PRX: variants seen among roughly 807,000 people sequenced by gnomAD.
PRX encodes the protein periaxin.
Under a neutral mutation model 29.6 loss-of-function variants are expected in PRX, and 24 were observed. The observed-to-expected ratio is 0.81, with a 90% CI of 0.59 to 1.14. PRX has a LOEUF of 1.14. PRX is among the 50% of genes most tolerant of loss of function. The pLI, the probability that PRX is intolerant of heterozygous loss-of-function variation, is 0.00. For synonymous variants in PRX, 772 were observed against 831.7 expected (o/e 0.93, Z 1.24); for missense variants, 1,838 against 1,926.4 (o/e 0.95, Z 0.86).
chr19:40,397,698 C>T lies in PRX; in HGVS notation c.654G>A (p.Lys218=), dbSNP rs866326734. ...CTCCTGCAGCCACCTCAGCCTCCAC[C>T]TTGGCTTTCCTGGGGGGAGGAGCGG... The part of the protein sequence containing the change: ...AAAAPPPRKA[K]VEAEVAAGAR... The change falls in exon 7 of 7, where the codon AAG becomes AAA. Residue 218 remains lysine, a synonymous_variant. Transcript: ENST00000324001. 1 of 1,562,036 alleles carries T rather than the reference C, an allele frequency of 6.4e-7. No homozygotes were observed. Among genetic ancestry groups the T allele is most frequent in the South Asian group, 1.2e-5 (1 of 85,756 alleles).
rs767851512 is a variant in PRX at position 40,394,654 on chromosome 19, G to T, written c.3698C>A (p.Ala1233Glu). 1.2e-6 allele frequency: 2 copies of T among 1,607,958 alleles called. No homozygotes were observed. The highest frequency in any genetic ancestry group is 1.3e-5 in the African/African-American group (1 of 74,952). The stretch of plus-strand genomic sequence containing the variant: ...ACCCTCGCCTGTGGCCGCCTCGCCC[G>T]CCTGTGCCTCTCGGCTTAGCCCCAC... ...LDVGLSREAQ[A>E]GEAATGEGGL... The change falls in exon 7 of 7, where the codon GCG (alanine) becomes GAG (glutamate). Residue 1233 changes from alanine (A) to glutamate (E), a missense_variant. Around this residue, in one of 3 missense-constraint regions of PRX, gnomAD observed 1,143 missense variants for 1,193.0 expected, o/e 0.96. Coordinates refer to ENST00000324001, the MANE Select transcript of PRX (RefSeq NM_181882.3). The surrounding 1 kb of genome is among the most constrained non-coding windows in gnomAD (Gnocchi z 5.8).
Position 40,408,158 on chromosome 19 carries a change from C to A in PRX, c.-100G>T, listed in dbSNP as rs1008916688. ...GCCCCCACCCCAGCTGTCCTCTCAC[C>A]GCTGCCTGGGTGCAGGCACTTCCTC... On this transcript the variant is annotated splice_region_variant and 5_prime_UTR_variant, in exon 3 of 7. Transcript: ENST00000324001. The A allele has an allele frequency of 1.6e-6, 1 of 618,990 alleles. No homozygotes were observed. The highest frequency in any genetic ancestry group is 2.9e-6 in the Non-Finnish European group (1 of 347,682). 38.3% of individuals were successfully genotyped at this position (618,990 alleles called of 1,614,324 possible). A position where few individuals can be genotyped will look rare whatever the true frequency, so the allele number is the denominator to read the frequency against.
At chr19:40,399,149 AC>A (rs1193994311) in intron 5 of PRX, among the ~76,000 whole-genome samples, 1 of 151,262 alleles carries the variant, frequency 6.6e-6, no homozygotes, top group Non-Finnish European at 1.5e-5. Context: ...CTGTGTGTTC[AC>A]CCCCTTTCTC....
chr19:40,397,649 C>T lies in PRX; in HGVS notation c.703G>A (p.Glu235Lys), dbSNP rs2079454238. 7 of 1,548,550 alleles carry T rather than the reference C, an allele frequency of 4.5e-6. No individual in the cohort carries two copies. Among genetic ancestry groups the T allele is most frequent in the Non-Finnish European group, 6.1e-6 (7 of 1,152,856 alleles). The change falls in exon 7 of 7, where the codon GAG becomes AAG. Residue 235 changes from glutamate (E) to lysine (K), a missense_variant. Glu to Lys is a moderately conservative substitution (Grantham distance 56). Transcript: ENST00000324001. ...AGARFTAPQV[E>K]LVGPRLPGAE... is the part of the protein sequence containing the mutation. ...CCTGGCAGCCGCGGCCCAACCAGCT[C>T]CACCTGAGGGGCTGTGAAACGAGCT...
chr19:40,408,674 C>G (rs2079543848), intron 1 of PRX, among the ~76,000 whole-genome samples: 1 of 152,196 alleles, frequency 6.6e-6, no homozygotes, highest in African/African-American at 2.4e-5. Context: ...CTCTATTGCC[C>G]AGGCTGGAGT....
In PRX at chr19:40,394,343, C is replaced by G. The variant is rs527265816; in HGVS notation, c.4009G>C (p.Gly1337Arg). The change falls in exon 7 of 7, where the codon GGC becomes CGC. Residue 1337 changes from glycine (G) to arginine (R), a missense_variant. Around this residue, in one of 3 missense-constraint regions of PRX, gnomAD observed 1,143 missense variants for 1,193.0 expected, o/e 0.96. Coordinates refer to ENST00000324001, the MANE Select transcript of PRX (RefSeq NM_181882.3). The surrounding 1 kb of genome is among the most constrained non-coding windows in gnomAD (Gnocchi z 5.8). ...KSPKLRLPRV[G>R]FSQSEMVTGE... ...GTGACCATCTCACTTTGGCTGAAGCCCACTCGGGGCAGCCTGAGTTTGGGG... is the reference window on the plus strand; with the variant it reads ...GTGACCATCTCACTTTGGCTGAAGCGCACTCGGGGCAGCCTGAGTTTGGGG... 4 of 1,606,666 alleles carry G rather than the reference C, an allele frequency of 2.5e-6. No homozygotes were observed. In the Admixed American group the frequency reaches 6.8e-5, roughly 27 times the overall value.
chr19:40,409,462 A>G (rs1028408098), intron 1 of PRX, among the ~76,000 whole-genome samples: 1 of 147,190 alleles, frequency 6.8e-6, no homozygotes, highest in Non-Finnish European at 1.5e-5. Flanking sequence ...TATTATTATT[A>G]TTATTATTAT....
chr19:40,408,846 T>TGTGTGA (rs1555802644), intron 1 of PRX, among the ~76,000 whole-genome samples: 46 of 148,238 alleles, frequency 3.1e-4, no homozygotes, highest in South Asian at 1.9e-3. Flanking sequence ...TGTGTGTGTG[T>TGTGTGA]GAGAGAGAGA....
chr19:40,396,649 C>T lies in PRX; in HGVS notation c.1703G>A (p.Arg568Gln), dbSNP rs374396283. 1.4e-5 allele frequency: 23 copies of T among 1,613,650 alleles called. No homozygotes were observed. The Admixed American group carries it at 2.8e-4, about 20-fold the overall frequency. The change falls in exon 7 of 7, where the codon CGG (arginine) becomes CAG (glutamine). Residue 568 changes from arginine (R) to glutamine (Q), a missense_variant. By Grantham distance (43) the Arg-to-Gln change is conservative. This residue lies in a region of PRX where 1,143 missense variants were observed against 1,193.0 expected (regional missense o/e 0.96). Transcript: ENST00000324001. ...TTTCGGCAGCTGCACCTCTGGAAGC[C>T]GCACCTCTGGCACAGCCACCTCTGA... ...EVSEVAVPEV[R>Q]LPEVQLPKVP...
At chr19:40,405,817 T>C (rs908229692) in intron 4 of PRX, among the ~76,000 whole-genome samples, 1 of 151,558 alleles carries the variant, frequency 6.6e-6, no homozygotes, top group African/African-American at 2.4e-5. Flanking sequence ...TTTTGTATTC[T>C]TAGTAGAGAT....
At chr19:40,410,996 A>T (rs1018046497) in intron 1 of PRX, among the ~76,000 whole-genome samples, 1 of 152,200 alleles carries the variant, frequency 6.6e-6, no homozygotes, top group South Asian at 2.1e-4. Flanking sequence ...CTTGTCTGCC[A>T]TGTCTGGGGC....
At position 40,395,043 on chromosome 19, in the gene PRX, C is replaced by T. The variant is rs557336965; in HGVS notation, c.3309G>A (p.Thr1103=). The change falls in exon 7 of 7, where the codon ACG becomes ACA. Residue 1103 remains threonine (T), a synonymous_variant. Coordinates refer to ENST00000324001, the MANE Select transcript of PRX (RefSeq NM_181882.3). ...CCCTCCCTTCCTCCTGGGCGCCCAG[C>T]GTGACCAGCTCCACCTCGGGGATCT... ...QLKIPEVELV[T]LGAQEEGRAE... 9.3e-6 allele frequency: 15 copies of T among 1,611,752 alleles called. No individual in the cohort carries two copies. Among genetic ancestry groups the T allele is most frequent in the South Asian group, 6.6e-5 (6 of 91,076 alleles).
intron 5 of PRX, among the ~76,000 whole-genome samples, chr19:40,399,943 T>A (rs2079481964): frequency 7.0e-6 from 1 of 143,056 alleles, no homozygotes; most frequent in Non-Finnish European, 1.6e-5. Context: ...TTTCTTTCCT[T>A]TCTTTCTCTT....
chr19:40,394,578 GC>G lies in PRX; in HGVS notation c.3773del (p.Gly1258AlafsTer124). 5 of 1,608,468 alleles carry G rather than the reference GC, an allele frequency of 3.1e-6. No individual in the cohort carries two copies. The highest frequency in any genetic ancestry group is 1.7e-4 in the Middle Eastern group (1 of 6,048). ...PTLGARARVG[G>X]EGAEEQPPGA... ...CTGGGGGCTGCTCCTCAGCACCCTC[GC>G]CCCCCACCCTAGCTCTGGCCCCCAG... On this transcript the variant is annotated frameshift_variant, in exon 7 of 7. Coordinates refer to ENST00000324001, the MANE Select transcript of PRX (RefSeq NM_181882.3). LOFTEE classifies it high-confidence loss of function. This position sits in a 1 kb window ranked among gnomAD's most constrained non-coding sequence, Gnocchi z 5.8.
chr19:40,405,665 G>C lies in PRX; in HGVS notation c.28-1803C>G, dbSNP rs1366770109. On this transcript the variant is annotated intron_variant, in intron 4 of 6. Transcript: ENST00000324001. Reference sequence around the variant, plus strand: ...TTTTTTTTTTTTTTTTTGAGGCGGAGTCTCGCTCTGTCACCCAGGCTGGGA... The same window carrying C: ...TTTTTTTTTTTTTTTTTGAGGCGGACTCTCGCTCTGTCACCCAGGCTGGGA... Among the ~76,000 whole-genome samples the C allele has an allele frequency of 9.5e-5, 11 of 115,292 alleles. No individual in the cohort carries two copies. In the South Asian group the frequency reaches 3.2e-3, roughly 33 times the overall value. 75.6% of individuals were successfully genotyped at this position (115,292 alleles called of 152,430 possible).
upstream of PRX, among the ~76,000 whole-genome samples, chr19:40,413,684 G>A (rs772326404): frequency 6.6e-6 from 1 of 152,064 alleles, no homozygotes; most frequent in Non-Finnish European, 1.5e-5. Context: ...TCCAGGACCC[G>A]GGCCTGGCCA....
chr19:40,403,770 C>A lies in PRX; in HGVS notation c.120G>T (p.Glu40Asp). 6.3e-7 allele frequency: 1 copy of A among 1,598,564 alleles called. No individual in the cohort carries two copies. Among genetic ancestry groups the A allele is most frequent in the Non-Finnish European group, 8.5e-7 (1 of 1,173,780 alleles). ...SGINVAGGGK[E>D]GIFVRELRED... Reference sequence around the variant, plus strand: ...CGCGCAGCTCCCGAACGAAGATTCCCTCTTTGCCGCCGCCCGCTACGTTGA... The same window carrying A: ...CGCGCAGCTCCCGAACGAAGATTCCATCTTTGCCGCCGCCCGCTACGTTGA... Residue 40 changes from glutamate (E) to aspartate (D), a missense_variant, in exon 5 of 7, where the codon GAG becomes GAT. Physicochemically the swap from Glu to Asp is conservative, Grantham distance 45 (BLOSUM62 2). Coordinates refer to ENST00000324001, the MANE Select transcript of PRX (RefSeq NM_181882.3).
upstream of PRX, among the ~76,000 whole-genome samples, chr19:40,413,683 C>T (rs1246406819): frequency 1.3e-5 from 2 of 152,152 alleles, no homozygotes; most frequent in African/African-American, 4.8e-5. Flanking sequence ...CTCCAGGACC[C>T]GGGCCTGGCC....
chr19:40,406,256 A>AG (rs1044340322), intron 4 of PRX, among the ~76,000 whole-genome samples: 2 of 151,398 alleles, frequency 1.3e-5, no homozygotes, highest in Non-Finnish European at 2.9e-5. Context: ...TCAAAAAAAA[A>AG]AAAAAAAAGA....
Sources: allele counts gnomAD v4.1 joint callset (sites outside exome capture counted in the v4.1 genomes callset), GRCh38; gene constraint gnomAD v4.1.1; regional missense constraint gnomAD v4.1.1; non-coding constraint Gnocchi (gnomAD v3.1); transcripts MANE v1.5; gene names NCBI Gene and HGNC (gene_info 2026-07-23, HGNC 2026-07-21).